Variants in PTPRE observed in about 807,000 individuals in gnomAD.
PTPRE encodes receptor-type tyrosine-protein phosphatase epsilon.
A neutral mutation model predicts 102.0 loss-of-function variants in PTPRE; 51 were observed. The observed-to-expected ratio is 0.50, with a 90% CI of 0.40 to 0.63. The LOEUF (loss-of-function observed/expected upper bound fraction) is 0.63. Ranked by LOEUF, PTPRE falls within the 30% of genes least tolerant of loss-of-function variation. The pLI is 0.00. For missense variants in PTPRE, 752 were observed against 915.1 expected, an observed-to-expected ratio of 0.82 and a Z score of 2.30; for synonymous variants, 345 against 348.2, an observed-to-expected ratio of 0.99 and a Z score of 0.10.
At chr10:127,961,957 C>T (rs1849851530) in intron 1 of PTPRE, among the ~76,000 whole-genome samples, 1 of 152,308 alleles carries the variant, frequency 6.6e-6, no homozygotes, top group Non-Finnish European at 1.5e-5. Flanking sequence ...GATGTGCGGC[C>T]TGCAGTTACC....
intron 2 of PTPRE, among the ~76,000 whole-genome samples, chr10:128,036,552 A>G (rs1386052210): frequency 6.6e-6 from 1 of 152,078 alleles, no homozygotes; most frequent in Non-Finnish European, 1.5e-5. Context: ...GCTAAAAATC[A>G]TCCTTATCCC....
At chr10:128,052,048 G>A (rs2135877304) in intron 6 of PTPRE, among the ~76,000 whole-genome samples, 1 of 152,126 alleles carries the variant, frequency 6.6e-6, no homozygotes, top group South Asian at 2.1e-4. Flanking sequence ...TTTTTTTGTA[G>A]AGATGGGGTC....
intron 6 of PTPRE, among the ~76,000 whole-genome samples, chr10:128,052,592 T>G (rs1285436730): frequency 6.6e-6 from 1 of 152,112 alleles, no homozygotes; most frequent in East Asian, 1.9e-4. Context: ...CCTGCACTGG[T>G]AGAACACCAT....
chr10:128,069,892 C>T, intron 13 of PTPRE, 65 bp downstream of exon 13: 1 of 1,610,084 alleles, frequency 6.2e-7, no homozygotes, highest in East Asian at 2.2e-5. Flanking sequence ...CTTCGCCACA[C>T]AGGTGTGCAG....
chr10:128,017,244 T>A (rs1224289512), intron 2 of PTPRE, among the ~76,000 whole-genome samples: 8 of 152,008 alleles, frequency 5.3e-5, no homozygotes, highest in Admixed American at 5.2e-4. Flanking sequence ...GGGGAATGGA[T>A]CAAAAGAGTT....
chr10:127,991,987 C>G (rs1852710445), intron 2 of PTPRE, among the ~76,000 whole-genome samples: 1 of 152,136 alleles, frequency 6.6e-6, no homozygotes, highest in Non-Finnish European at 1.5e-5. Flanking sequence ...CCTGCCTGTC[C>G]TGAGCACTGA....
intron 3 of PTPRE, among the ~76,000 whole-genome samples, chr10:128,042,196 G>A (rs11016031): frequency 0.12 from 17,838 of 152,148 alleles, 1,229 homozygotes; most frequent in African/African-American, 0.19. Flanking sequence ...GACTGGCCAC[G>A]TAGAAACATC....
At chr10:127,927,186 C>A (rs1044490879) in intron 1 of PTPRE, among the ~76,000 whole-genome samples, 4 of 151,666 alleles carry the variant, frequency 2.6e-5, no homozygotes, top group African/African-American at 4.8e-5. Context: ...CTGGATGCCC[C>A]CCACCCCCCC....
chr10:128,001,659 A>G (rs1853911151), intron 2 of PTPRE, among the ~76,000 whole-genome samples: 1 of 152,160 alleles, frequency 6.6e-6, no homozygotes, highest in Non-Finnish European at 1.5e-5. Flanking sequence ...GAAACTCCTC[A>G]TAGAGGCAAA....
At chr10:128,025,823 C>T (rs980382978) in intron 2 of PTPRE, among the ~76,000 whole-genome samples, 24 of 152,232 alleles carry the variant, frequency 1.6e-4, no homozygotes, top group African/African-American at 5.8e-4. Flanking sequence ...GGGTCACCCC[C>T]TTTCCCAGGG....
intron 3 of PTPRE, among the ~76,000 whole-genome samples, chr10:128,041,509 G>T (rs4421666): frequency 0.3 from 44,891 of 151,676 alleles, 7,578 homozygotes; most frequent in Admixed American, 0.42. Context: ...TTAGCTGGGC[G>T]TGGTGGTGGG....
chr10:128,071,131 C>T (rs1018634408), intron 15 of PTPRE: 1 of 547,326 alleles, frequency 1.8e-6, no homozygotes, highest in Non-Finnish European at 3.2e-6. Context: ...AGGCAAGCTG[C>T]TTCGGATATG....
At chr10:128,072,650 C>T in intron 16 of PTPRE, 2 of 110,978 alleles carry the variant, frequency 1.8e-5, no homozygotes, top group African/African-American at 3.6e-5. Flanking sequence ...AGAGCGAGAC[C>T]CCCTCTCAAA....
At chr10:127,914,182 G>T (rs1459826638) in intron 1 of PTPRE, among the ~76,000 whole-genome samples, 3 of 152,152 alleles carry the variant, frequency 2.0e-5, no homozygotes, top group Non-Finnish European at 4.4e-5. Context: ...TGGCATGCTG[G>T]CTCCCTCCCT....
intron 1 of PTPRE, among the ~76,000 whole-genome samples, chr10:127,966,243 TC>T (rs1287210458): frequency 1.3e-5 from 2 of 152,024 alleles, no homozygotes; most frequent in Non-Finnish European, 2.9e-5. Flanking sequence ...CCAGTGTCCA[TC>T]CCCCTCAGCA....
chr10:127,914,490 C>A (rs1371121368), intron 1 of PTPRE, among the ~76,000 whole-genome samples: 1 of 152,156 alleles, frequency 6.6e-6, no homozygotes, highest in East Asian at 1.9e-4. Flanking sequence ...CAGAAAAAGG[C>A]TAGGTTGTTA....
rs1025685992 is a variant in PTPRE, at chr10:128,040,928, T to C, written c.47T>C (p.Leu16Pro). ...CTGCTGGTGGGTTTTAGCTTGCCGC[T>C]CGCCAGGGCTCTCAGGGGCAACGAG... ...PLLLVGFSLP[L>P]ARALRGNETT... Residue 16 changes from leucine (L) to proline (P), a missense_variant, in exon 3 of 21, where the codon CTC becomes CCC. Coordinates refer to ENST00000254667, the MANE Select transcript of PTPRE (RefSeq NM_006504.6). The C allele has an allele frequency of 6.2e-7, 1 of 1,613,864 alleles. No individual in the cohort carries two copies. Among genetic ancestry groups the C allele is most frequent in the African/African-American group, 1.3e-5 (1 of 74,848 alleles).
intron 2 of PTPRE, among the ~76,000 whole-genome samples, chr10:128,003,246 G>A (rs1187619982): frequency 1.3e-5 from 2 of 152,122 alleles, no homozygotes; most frequent in Non-Finnish European, 2.9e-5. Context: ...CACGTGAGTG[G>A]GCCCCATAGA....
chr10:128,020,747 C>T (rs1845804418), intron 2 of PTPRE, among the ~76,000 whole-genome samples: 1 of 152,182 alleles, frequency 6.6e-6, no homozygotes, highest in South Asian at 2.1e-4. Context: ...CCCAGATGAG[C>T]TCACAGTACT....
Sources: allele counts gnomAD v4.1 joint callset (sites outside exome capture counted in the v4.1 genomes callset), GRCh38; gene constraint gnomAD v4.1.1; transcripts MANE v1.5; gene names NCBI Gene and HGNC (gene_info 2026-07-23, HGNC 2026-07-21).